The following CYSLTR1 variants were observed in gnomAD, a reference collection of about 807,000 sequenced individuals.
CYSLTR1 encodes the protein G-protein coupled receptor HG55.
Under a neutral mutation model 2.1 loss-of-function variants are expected in CYSLTR1, and 1 was observed. The ratio of observed to expected loss-of-function variants is 0.48; its 90% CI spans 0.17 to 2.28. The LOEUF (loss-of-function observed/expected upper bound fraction) is 2.28. CYSLTR1 is among the 30% of genes most tolerant of loss of function. The probability of loss-of-function intolerance (pLI) is 0.26; values close to 1 mark genes in which losing one functional copy is unlikely to be tolerated. For missense variants in CYSLTR1, 299 were observed against 250.1 expected (o/e 1.20, Z -1.32); for synonymous variants, 110 against 89.6 (o/e 1.23, Z -1.28).
chrX:78,284,070 G>A (rs1031863147), intron 1 of CYSLTR1, among the ~76,000 whole-genome samples: 1 of 111,972 alleles, frequency 8.9e-6, no homozygotes, highest in Non-Finnish European at 1.9e-5. Context: ...AGCATATAAT[G>A]TTTATATCAC....
chrX:78,289,790 G>T (rs1194031064), intron 1 of CYSLTR1, among the ~76,000 whole-genome samples: 1 of 111,959 alleles, frequency 8.9e-6, no homozygotes, highest in Non-Finnish European at 1.9e-5. Context: ...CATATCCTTT[G>T]CCCACTTTTT....
chrX:78,310,012 T>C (rs1923161129), intron 1 of CYSLTR1, among the ~76,000 whole-genome samples: 1 of 112,322 alleles, frequency 8.9e-6, no homozygotes, highest in Non-Finnish European at 1.9e-5. Context: ...TTGTTTACAA[T>C]GTGGGAATAC....
At chrX:78,316,220 A>G (rs900436282) in intron 1 of CYSLTR1, among the ~76,000 whole-genome samples, 1 of 112,566 alleles carries the variant, frequency 8.9e-6, no homozygotes, top group African/African-American at 3.2e-5. Context: ...CAGTGAAGCC[A>G]TCCCTGACTG....
intron 1 of CYSLTR1, among the ~76,000 whole-genome samples, chrX:78,285,088 C>T (rs1922004635): frequency 9.0e-6 from 1 of 110,797 alleles, no homozygotes; most frequent in Non-Finnish European, 1.9e-5. Flanking sequence ...TTAGCTTGTC[C>T]CGGGTCTCCG....
At position 78,272,825 on chromosome X, in the gene CYSLTR1, T is replaced by C. The variant is rs745480743; in HGVS notation, c.922A>G (p.Thr308Ala). The change falls in exon 3 of 3, where the codon ACA becomes GCA. Residue 308 changes from threonine (T) to alanine (A), a missense_variant. By Grantham distance (58) the Thr-to-Ala change is moderately conservative. Coordinates refer to ENST00000373304, the MANE Select transcript of CYSLTR1 (RefSeq NM_006639.4). ...CTGGACAAAGAATGCTTTCTGAATG[T>C]AGACAGCCTTTTCCTAAAGTTACCC... ...SGGNFRKRLS[T>A]FRKHSLSSVT... is the part of the protein sequence containing the mutation. 1.7e-6 allele frequency: 2 copies of C among 1,211,079 alleles called. No homozygotes were observed. The highest frequency in any genetic ancestry group is 2.2e-5 in the Admixed American group (1 of 45,862).
At chrX:78,324,557 G>T (rs1012744284) in intron 1 of CYSLTR1, among the ~76,000 whole-genome samples, 2 of 110,953 alleles carry the variant, frequency 1.8e-5, no homozygotes, top group African/African-American at 6.6e-5. Context: ...TAGTAGAGAT[G>T]GGGTTTCACC....
At chrX:78,274,342 G>T (rs1921470636) in intron 2 of CYSLTR1, among the ~76,000 whole-genome samples, 1 of 110,982 alleles carries the variant, frequency 9.0e-6, no homozygotes, top group African/African-American at 3.3e-5. Context: ...AACCAAAACA[G>T]CATGGTACTG....
chrX:78,274,363 A>T (rs749255123), intron 2 of CYSLTR1, among the ~76,000 whole-genome samples: 1 of 111,024 alleles, frequency 9.0e-6, no homozygotes, highest in East Asian at 2.8e-4. Context: ...GTACCAAAAC[A>T]CTGGTACCAA....
At chrX:78,306,982 C>T (rs188549014) in intron 1 of CYSLTR1, among the ~76,000 whole-genome samples, 75 of 111,872 alleles carry the variant, frequency 6.7e-4, no homozygotes, top group Non-Finnish European at 1.1e-3. Flanking sequence ...AAATTTTTAA[C>T]TAAATTACAA....
chrX:78,291,947 GTT>G (rs1304380755), intron 1 of CYSLTR1, among the ~76,000 whole-genome samples: 1 of 109,052 alleles, frequency 9.2e-6, no homozygotes, highest in African/African-American at 3.3e-5. Flanking sequence ...TTTTTGAAGA[GTT>G]TTTTTGTGTC....
intron 1 of CYSLTR1, among the ~76,000 whole-genome samples, chrX:78,288,617 T>C (rs993128628): frequency 1.8e-5 from 2 of 111,978 alleles, no homozygotes; most frequent in Non-Finnish European, 3.8e-5. Flanking sequence ...ATAGGGTACA[T>C]GAAATGTTTT....
chrX:78,308,740 C>T (rs1441253052), intron 1 of CYSLTR1, among the ~76,000 whole-genome samples: 1 of 111,941 alleles, frequency 8.9e-6, no homozygotes, highest in Non-Finnish European at 1.9e-5. Context: ...TGGCTTAGTG[C>T]TTCTTAACTG....
intron 2 of CYSLTR1, among the ~76,000 whole-genome samples, chrX:78,274,282 G>C (rs894692528): frequency 5.4e-5 from 6 of 111,299 alleles, no homozygotes; most frequent in Non-Finnish European, 9.4e-5. Flanking sequence ...AAAGAACAAA[G>C]CTGGAGGCAT....
intron 1 of CYSLTR1, among the ~76,000 whole-genome samples, chrX:78,293,563 C>T (rs370537390): frequency 9.0e-5 from 10 of 111,622 alleles, no homozygotes; most frequent in East Asian, 2.8e-4. Context: ...GATAATACCC[C>T]GAAGAGTGTT....
intron 1 of CYSLTR1, among the ~76,000 whole-genome samples, chrX:78,291,271 A>C (rs374933689): frequency 9.0e-6 from 1 of 111,521 alleles, no homozygotes; most frequent in East Asian, 2.8e-4. Flanking sequence ...ATTGATTTGC[A>C]TATGTCGAAC....
At chrX:78,278,970 GAA>G (rs1339028496) in intron 2 of CYSLTR1, among the ~76,000 whole-genome samples, 1 of 112,244 alleles carries the variant, frequency 8.9e-6, no homozygotes, top group Non-Finnish European at 1.9e-5. Context: ...CAAGATGAAT[GAA>G]AGACTTAAAC....
At chrX:78,325,004 G>C (rs1162634288) in intron 1 of CYSLTR1, among the ~76,000 whole-genome samples, 2 of 112,040 alleles carry the variant, frequency 1.8e-5, no homozygotes, top group Non-Finnish European at 3.8e-5. Flanking sequence ...AAAGAGTAGT[G>C]GGATATTGTG....
rs145715879 is a variant in CYSLTR1 at position 78,316,186 on chromosome X, C to T, written c.-115+11119G>A. On this transcript the variant is annotated intron_variant, in intron 1 of 2. Coordinates refer to ENST00000373304, the MANE Select transcript of CYSLTR1 (RefSeq NM_006639.4). ...GTAGCAGTGGGAAGAGCCTTATAGG[C>T]GCTCCCATTATCCAGCTTGAGCCCA... 4.5e-3 allele frequency among the ~76,000 whole-genome samples: 512 copies of T among 112,681 alleles called. 2 individuals carry two copies. Among genetic ancestry groups the T allele is most frequent in the African/African-American group, 0.016 (488 of 31,073 alleles).
intron 2 of CYSLTR1, among the ~76,000 whole-genome samples, chrX:78,278,714 A>T (rs895516019): frequency 1.1e-4 from 12 of 112,572 alleles, no homozygotes; most frequent in African/African-American, 3.9e-4. Flanking sequence ...ACTACAGTAC[A>T]AAGCTAGAGT....
Sources: gnomAD v4.1 joint callset for allele counts (sites outside exome capture counted in the v4.1 genomes callset) on GRCh38, gnomAD v4.1.1 for gene constraint, MANE v1.5 for transcripts, NCBI Gene and HGNC (gene_info 2026-07-23, HGNC 2026-07-21) for gene names.